Variants in RIMS1 observed in about 807,000 individuals in gnomAD.
RIMS1 encodes regulating synaptic membrane exocytosis 1.
Under a neutral mutation model 214.1 loss-of-function variants are expected in RIMS1, and 83 were observed. The ratio of observed to expected loss-of-function variants is 0.39; its 90% confidence interval spans 0.32 to 0.47. RIMS1 has a LOEUF of 0.47. RIMS1 is among the 20% of genes least tolerant of loss of function. RIMS1 has a pLI of 0.99. For missense variants in RIMS1, 2,050 were observed against 2,161.8 expected (o/e 0.95, Z 1.03); for synonymous variants, 793 against 786.8 (o/e 1.01, Z -0.13).
chr6:72,283,184 C>G (rs1338234444), intron 23 of RIMS1, among the ~76,000 whole-genome samples: 1 of 151,914 alleles, frequency 6.6e-6, no homozygotes, highest in Non-Finnish European at 1.5e-5. Context: ...ATACACATTC[C>G]TAGGGTTTCT....
intron 1 of RIMS1, among the ~76,000 whole-genome samples, chr6:71,907,639 A>T (rs1562168026): frequency 6.6e-6 from 1 of 152,196 alleles, no homozygotes; most frequent in Non-Finnish European, 1.5e-5. Context: ...TCAAAGGTGT[A>T]ATAAAAATAC....
At position 72,041,460 on chromosome 6, in the gene RIMS1, A is replaced by T. The variant is rs370611992; in HGVS notation, c.246-55489A>T. 3.9e-5 allele frequency among the ~76,000 whole-genome samples: 6 copies of T among 151,958 alleles called. No homozygotes were observed. The East Asian group carries it at 9.6e-4, about 24-fold the overall frequency. On this transcript the variant is annotated intron_variant, in intron 2 of 33. Transcript: ENST00000521978. ...GACTTAAGATGAAGGGAGGATGCTT[A>T]TCTATTAAAAAGCGGAAAAATGAGA...
At chr6:71,887,735 C>CT (rs1478085818) in intron 1 of RIMS1, among the ~76,000 whole-genome samples, 1 of 152,014 alleles carries the variant, frequency 6.6e-6, no homozygotes, top group African/African-American at 2.4e-5. Flanking sequence ...AAGGTTGGGT[C>CT]TTTTTTTGGG....
chr6:72,296,678 T>A (rs2094125982), intron 26 of RIMS1, among the ~76,000 whole-genome samples: 2 of 151,876 alleles, frequency 1.3e-5, no homozygotes, highest in South Asian at 4.1e-4. Context: ...TAAGGTTAAT[T>A]ATATTTAATA....
At chr6:72,284,017 A>G (rs780751007) in intron 23 of RIMS1, 30 bp from the exon 24 acceptor site, 12 of 1,551,664 alleles carry the variant, frequency 7.7e-6, no homozygotes, top group Non-Finnish European at 9.8e-6. Flanking sequence ...TATTCATCAT[A>G]TATTTTGTGT....
rs929638411 is a variant in RIMS1, at chr6:72,013,073, G to A, written c.245+44010G>A. On this transcript the variant is annotated intron_variant, in intron 2 of 33. Coordinates refer to ENST00000521978, the MANE Select transcript of RIMS1 (RefSeq NM_014989.7). The stretch of plus-strand genomic sequence containing the variant: ...TTGGTTTCTTAAACACTGCTAGGGT[G>A]GATTTTATCCCAATGACTCTTAAAG... 2.0e-4 allele frequency among the ~76,000 whole-genome samples: 31 copies of A among 152,096 alleles called. 1 individual carries two copies. Among genetic ancestry groups the A allele is most frequent in the African/African-American group, 7.2e-4 (30 of 41,422 alleles).
chr6:72,067,311 C>T (rs1225632254), intron 2 of RIMS1, among the ~76,000 whole-genome samples: 2 of 152,202 alleles, frequency 1.3e-5, no homozygotes, highest in Non-Finnish European at 2.9e-5. Context: ...GTTGCTCATG[C>T]TGAGGCTGCT....
At chr6:72,355,490 A>T (rs2097592700) in intron 29 of RIMS1, among the ~76,000 whole-genome samples, 1 of 152,080 alleles carries the variant, frequency 6.6e-6, no homozygotes, top group Non-Finnish European at 1.5e-5. Context: ...TTGTTCCTTG[A>T]TTGTTCCTTT....
intron 2 of RIMS1, among the ~76,000 whole-genome samples, chr6:72,000,527 C>T (rs564393426): frequency 6.6e-6 from 1 of 152,222 alleles, no homozygotes; most frequent in African/African-American, 2.4e-5. Context: ...ATACTCTTAC[C>T]ATTTGCAAAT....
At chr6:72,121,131 C>T (rs2038209031) in intron 4 of RIMS1, among the ~76,000 whole-genome samples, 1 of 151,706 alleles carries the variant, frequency 6.6e-6, no homozygotes, top group Admixed American at 6.6e-5. Flanking sequence ...GTCTTGGCAA[C>T]ATGGTCTCTT....
intron 22 of RIMS1, among the ~76,000 whole-genome samples, chr6:72,271,286 A>AAAAAAAATATATATATATATAT (rs1417580438): frequency 2.3e-5 from 1 of 44,424 alleles, no homozygotes; most frequent in African/African-American, 1.1e-4. Flanking sequence ...AAAAAAAAAA[A>AAAAAAAATATATATATATATAT]ATATATATAT....
At chr6:72,025,276 G>T (rs1816079266) in intron 2 of RIMS1, among the ~76,000 whole-genome samples, 1 of 152,104 alleles carries the variant, frequency 6.6e-6, no homozygotes, top group Admixed American at 6.5e-5. Context: ...GCTTCTTTGA[G>T]TTTGGTTTTT....
chr6:72,347,658 A>G (rs550738677), intron 29 of RIMS1, among the ~76,000 whole-genome samples: 2 of 151,948 alleles, frequency 1.3e-5, no homozygotes, highest in East Asian at 1.9e-4. Flanking sequence ...ATTTCTTTCT[A>G]TGCATCAGAC....
chr6:72,337,661 A>G (rs1360619137), intron 29 of RIMS1, among the ~76,000 whole-genome samples: 2 of 151,018 alleles, frequency 1.3e-5, no homozygotes, highest in African/African-American at 4.9e-5. Flanking sequence ...ACATATGTAT[A>G]CATGTGCCAT....
intron 2 of RIMS1, among the ~76,000 whole-genome samples, chr6:72,021,041 A>C (rs1450594408): frequency 6.6e-6 from 1 of 152,226 alleles, no homozygotes; most frequent in East Asian, 1.9e-4. Flanking sequence ...GTGATAGAAT[A>C]GATGATTCAC....
At chr6:72,338,871 G>C (rs979482884) in intron 29 of RIMS1, among the ~76,000 whole-genome samples, 2 of 151,418 alleles carry the variant, frequency 1.3e-5, no homozygotes, top group Non-Finnish European at 3.0e-5. Context: ...GAGAGAGAGA[G>C]AGAGAGAGAG....
Position 72,182,913 on chromosome 6 carries a change from C to T in RIMS1, c.1442C>T (p.Ala481Val), listed in dbSNP as rs866348268. Residue 481 changes from alanine (A) to valine (V), a missense_variant, in exon 6 of 34, where the codon GCG becomes GTG. Coordinates refer to ENST00000521978, the MANE Select transcript of RIMS1 (RefSeq NM_014989.7). ...RKQSRLDPSSAVLMRKAKREK... is the reference protein window; with the variant it reads ...RKQSRLDPSSVVLMRKAKREK... ...CAGAGCCGCCTGGACCCCAGCTCGG[C>T]GGTCCTCATGCGGAAGGCCAAGCGC... 2 of 1,579,062 alleles carry T rather than the reference C, an allele frequency of 1.3e-6. No individual in the cohort carries two copies. The highest frequency in any genetic ancestry group is 1.7e-6 in the Non-Finnish European group (2 of 1,164,006).
intron 24 of RIMS1, among the ~76,000 whole-genome samples, chr6:72,284,622 T>G (rs2091633041): frequency 6.6e-6 from 1 of 152,204 alleles, no homozygotes; most frequent in Non-Finnish European, 1.5e-5. Flanking sequence ...ATTACTAACC[T>G]TTTGTTTGCA....
intron 24 of RIMS1, among the ~76,000 whole-genome samples, chr6:72,288,000 C>T (rs759509274): frequency 2.2e-4 from 34 of 152,116 alleles, no homozygotes; most frequent in Non-Finnish European, 3.2e-4. Flanking sequence ...CTGTTAAGTC[C>T]TGCCAAATAA....
Sources: gnomAD v4.1 joint callset for allele counts (sites outside exome capture counted in the v4.1 genomes callset) on GRCh38, gnomAD v4.1.1 for gene constraint, MANE v1.5 for transcripts, NCBI Gene and HGNC (gene_info 2026-07-23, HGNC 2026-07-21) for gene names.